The following SLC38A8 variants were observed in gnomAD, a reference collection of about 807,000 sequenced individuals.
SLC38A8 encodes the protein solute carrier family 38 member 8, also known as amino acid transporter SLC38A8.
In SLC38A8, 65 loss-of-function variants were observed where a neutral mutation model predicts 46.0. The ratio of observed to expected loss-of-function variants is 1.41; its 90% confidence interval spans 1.16 to 1.74. The LOEUF (loss-of-function observed/expected upper bound fraction) is 1.74, where lower values mean the gene tolerates loss of function less well. SLC38A8 is among the 40% of genes most tolerant of loss of function. The probability of loss-of-function intolerance (pLI) is 0.00; values close to 1 mark genes in which losing one functional copy is unlikely to be tolerated. For synonymous variants in SLC38A8, 447 were observed against 243.7 expected (o/e 1.83, Z -7.77); for missense variants, 998 against 567.9 (o/e 1.76, Z -7.70).
At chr16:84,013,422 G>GTTTTTTTTTTT (rs369454720) in intron 9 of SLC38A8, among the ~76,000 whole-genome samples, 6,357 of 108,732 alleles carry the variant, frequency 0.058, 230 homozygotes, top group South Asian at 0.11. Context: ...TGTTGTGTGT[G>GTTTTTTTTTTT]TGTTTTTTTT....
chr16:84,015,891 C>T (rs1009819208), intron 9 of SLC38A8, among the ~76,000 whole-genome samples: 6 of 152,174 alleles, frequency 3.9e-5, no homozygotes, highest in Non-Finnish European at 7.3e-5. Context: ...TTTTAGTAGG[C>T]TGGTCTCGAC....
intron 10 of SLC38A8, among the ~76,000 whole-genome samples, chr16:84,011,319 C>T (rs980139728): frequency 2.0e-5 from 3 of 152,146 alleles, no homozygotes; most frequent in Non-Finnish European, 4.4e-5. Context: ...ATGAAGACTC[C>T]GAAAAGCATC....
intron 10 of SLC38A8, among the ~76,000 whole-genome samples, chr16:84,011,985 G>T (rs544905103): frequency 6.6e-6 from 1 of 152,306 alleles, no homozygotes; most frequent in South Asian, 2.1e-4. Context: ...TGTAGCCACA[G>T]GCCAAGGAGC....
chr16:84,040,476 G>C (rs1407392413), intron 2 of SLC38A8, among the ~76,000 whole-genome samples: 1 of 152,340 alleles, frequency 6.6e-6, no homozygotes, highest in Admixed American at 6.5e-5. Context: ...AGATCTGTGT[G>C]AAATGCCTGC....
At chr16:84,024,042 T>C (rs1216329128) in intron 6 of SLC38A8, among the ~76,000 whole-genome samples, 3 of 152,198 alleles carry the variant, frequency 2.0e-5, no homozygotes, top group African/African-American at 7.2e-5. Flanking sequence ...GCCCTGTGTG[T>C]TTGGGGTGGG....
intron 3 of SLC38A8, among the ~76,000 whole-genome samples, chr16:84,036,151 T>A (rs13331359): frequency 1.3e-5 from 2 of 152,034 alleles, no homozygotes; most frequent in Admixed American, 6.5e-5. Context: ...TCAATAATTG[T>A]CAATTAAACA....
At chr16:84,027,360 A>AAAACAAACAAACAAAC (rs199701593) in intron 6 of SLC38A8, among the ~76,000 whole-genome samples, 134 of 150,466 alleles carry the variant, frequency 8.9e-4, no homozygotes, top group Non-Finnish European at 1.5e-3. Context: ...AAGCAAAATT[A>AAAACAAACAAACAAAC]AAACAAACAA....
At chr16:84,012,549 G>C (rs1464169434) in intron 10 of SLC38A8, among the ~76,000 whole-genome samples, 4 of 152,204 alleles carry the variant, frequency 2.6e-5, no homozygotes, top group Non-Finnish European at 5.9e-5. Flanking sequence ...GGGTATGGTG[G>C]GGAGGTGAAC....
At chr16:84,041,594 C>G (rs1017419816) in intron 2 of SLC38A8, among the ~76,000 whole-genome samples, 5 of 152,156 alleles carry the variant, frequency 3.3e-5, no homozygotes, top group Admixed American at 2.6e-4. Context: ...ATTATAGGCA[C>G]GAGCCACCGT....
intron 9 of SLC38A8, among the ~76,000 whole-genome samples, chr16:84,015,589 G>T (rs75613176): frequency 0.015 from 2,278 of 152,232 alleles, 28 homozygotes; most frequent in South Asian, 0.056. Context: ...GGGGTTCAGG[G>T]CCTCGGTCTT....
At chr16:84,012,381 C>T (rs1011759074) in intron 10 of SLC38A8, among the ~76,000 whole-genome samples, 2 of 152,194 alleles carry the variant, frequency 1.3e-5, no homozygotes, top group African/African-American at 4.8e-5. Context: ...AAATATTTGT[C>T]AAATGAAGGA....
chr16:84,027,254 G>T (rs1041854095), intron 6 of SLC38A8, among the ~76,000 whole-genome samples: 1 of 152,176 alleles, frequency 6.6e-6, no homozygotes, highest in Non-Finnish European at 1.5e-5. Flanking sequence ...AGAGGCTGAG[G>T]CAGGAGAATC....
chr16:84,032,618 G>C (rs1044017771), intron 4 of SLC38A8, among the ~76,000 whole-genome samples: 1 of 152,230 alleles, frequency 6.6e-6, no homozygotes, highest in Non-Finnish European at 1.5e-5. Context: ...GCTCACACTT[G>C]AGAGGGGACA....
intron 5 of SLC38A8, among the ~76,000 whole-genome samples, chr16:84,030,227 G>A (rs749613996): frequency 6.6e-6 from 1 of 152,182 alleles, no homozygotes; most frequent in East Asian, 1.9e-4. Flanking sequence ...GAAGCAGGAA[G>A]AGACAGGAAA....
chr16:84,016,534 T>C lies in SLC38A8; in HGVS notation c.1147A>G (p.Ile383Val). 1.2e-6 allele frequency: 2 copies of C among 1,613,838 alleles called. No individual in the cohort carries two copies. Among genetic ancestry groups the C allele is most frequent in the Non-Finnish European group, 1.7e-6 (2 of 1,179,864 alleles). ...SIIGGISSFFIFIFPGLCLIC... is the reference protein window; with the variant it reads ...SIIGGISSFFVFIFPGLCLIC... ...GGGGCCTCACCTGGGAAGATGAAGATGAAGAAGGAACTGATGCCTCCGATG... is the reference window on the plus strand; with the variant it reads ...GGGGCCTCACCTGGGAAGATGAAGACGAAGAAGGAACTGATGCCTCCGATG... The change falls in exon 9 of 11, where the codon ATC becomes GTC. Residue 383 changes from isoleucine to valine, a missense_variant. Ile to Val is a conservative substitution (Grantham distance 29). Transcript: ENST00000299709.
intron 2 of SLC38A8, among the ~76,000 whole-genome samples, chr16:84,039,317 A>G (rs2085340912): frequency 6.6e-6 from 1 of 152,240 alleles, no homozygotes; most frequent in African/African-American, 2.4e-5. Context: ...ATGCAATTGT[A>G]AAATATTGAG....
intron 3 of SLC38A8, among the ~76,000 whole-genome samples, chr16:84,034,666 C>A (rs909984860): frequency 6.6e-6 from 1 of 152,148 alleles, no homozygotes; most frequent in Non-Finnish European, 1.5e-5. Flanking sequence ...ATAGCTCAAG[C>A]GTACGAAATG....
rs756681912 is a variant in SLC38A8 at position 84,033,329 on chromosome 16, T to C, written c.529A>G (p.Ser177Gly). The stretch of plus-strand genomic sequence containing the variant: ...ACCAGGCAGCATCCCAGCCCTTACC[T>C]TGTGTATTTCTGGAAGGCGATCTCC... ...PREIAFQKYT[S>G]ILGTLAACYL... The change falls in exon 4 of 11, where the codon AGC (serine) becomes GGC (glycine). Residue 177 changes from serine (S) to glycine (G), a missense_variant and splice_region_variant. Ser to Gly is a moderately conservative substitution (Grantham distance 56). Coordinates refer to ENST00000299709, the MANE Select transcript of SLC38A8 (RefSeq NM_001080442.3). 1.2e-6 allele frequency: 2 copies of C among 1,613,978 alleles called. No individual in the cohort carries two copies. The highest frequency in any genetic ancestry group is 2.2e-5 in the South Asian group (2 of 91,080).
At chr16:84,034,634 GA>G (rs1039399701) in intron 3 of SLC38A8, among the ~76,000 whole-genome samples, 4 of 152,182 alleles carry the variant, frequency 2.6e-5, no homozygotes, top group African/African-American at 9.7e-5. Context: ...GGAGCCATGT[GA>G]AAAAATGAAT....
Sources: allele counts gnomAD v4.1 joint callset (sites outside exome capture counted in the v4.1 genomes callset), GRCh38; gene constraint gnomAD v4.1.1; transcripts MANE v1.5; gene names NCBI Gene and HGNC (gene_info 2026-07-23, HGNC 2026-07-21).